The following TCF7L2 variants were observed in gnomAD, a reference collection of about 807,000 sequenced individuals.
The protein encoded by TCF7L2 is transcription factor 7-like 2.
A neutral mutation model predicts 77.9 loss-of-function variants in TCF7L2; 23 were observed. The ratio of observed to expected loss-of-function variants is 0.30; its 90% confidence interval spans 0.21 to 0.42. The LOEUF (loss-of-function observed/expected upper bound fraction) is 0.42. Among genes scored for constraint, TCF7L2 ranks in the 10% least tolerant of loss-of-function variants. The pLI, the probability that TCF7L2 is intolerant of heterozygous loss-of-function variation, is 1.00. For missense variants in TCF7L2, 654 were observed against 793.1 expected (o/e 0.82, Z 2.11); for synonymous variants, 413 against 340.2 (o/e 1.21, Z -2.36).
chr10:113,047,192 C>G (rs2134436742), intron 5 of TCF7L2, among the ~76,000 whole-genome samples: 1 of 152,036 alleles, frequency 6.6e-6, no homozygotes, highest in Non-Finnish European at 1.5e-5. Context: ...TGGGATAGAC[C>G]CCAGGACAAA....
intron 4 of TCF7L2, among the ~76,000 whole-genome samples, chr10:113,004,205 G>C (rs2045070743): frequency 6.6e-6 from 1 of 152,154 alleles, no homozygotes; most frequent in Non-Finnish European, 1.5e-5. Flanking sequence ...GTGCTGTTTG[G>C]GGCAGGAAGA....
At chr10:113,160,359 CTTTTT>C (rs2072954219) in intron 12 of TCF7L2, among the ~76,000 whole-genome samples, 1 of 151,916 alleles carries the variant, frequency 6.6e-6, no homozygotes, top group Admixed American at 6.6e-5. Flanking sequence ...TTCTCTCTCT[CTTTTT>C]ATTTATTTAT....
Position 113,105,750 on chromosome 10 carries a change from G to A in TCF7L2, c.553-35434G>A, listed in dbSNP as rs374541277. ...CATCCCGTCCAGGTTCCAGGCAGAC[G>A]ACAGTCTCTGAGCATTCCAGGGTCT... is the stretch of plus-strand genomic sequence containing the variant. On this transcript the variant is annotated intron_variant, in intron 5 of 13. Coordinates refer to ENST00000627217, the MANE Select transcript of TCF7L2 (RefSeq NM_001146274.2). Among the ~76,000 whole-genome samples the A allele has an allele frequency of 2.4e-4, 36 of 152,286 alleles. No individual in the cohort carries two copies. In the South Asian group the frequency reaches 6.0e-3, roughly 25 times the overall value.
intron 5 of TCF7L2, among the ~76,000 whole-genome samples, chr10:113,137,654 C>G (rs2067625395): frequency 6.6e-6 from 1 of 152,226 alleles, no homozygotes; most frequent in South Asian, 2.1e-4. Context: ...GACCACTAAG[C>G]TCTGTTCTGT....
chr10:113,129,242 ATTTGT>A (rs1339614067), intron 5 of TCF7L2: 1 of 916,798 alleles, frequency 1.1e-6, no homozygotes, highest in African/African-American at 1.8e-5. Context: ...TCCCTAAGAA[ATTTGT>A]TTTGAGGGAT....
At chr10:113,034,790 G>T (rs1159073802) in intron 4 of TCF7L2, among the ~76,000 whole-genome samples, 1 of 152,134 alleles carries the variant, frequency 6.6e-6, no homozygotes, top group Non-Finnish European at 1.5e-5. Flanking sequence ...CAGCTACTCG[G>T]GAGGCTGAGG....
intron 3 of TCF7L2, among the ~76,000 whole-genome samples, chr10:112,952,910 C>A (rs931839056): frequency 2.0e-5 from 3 of 149,826 alleles, no homozygotes; most frequent in Admixed American, 6.6e-5. Flanking sequence ...GATTACGAAT[C>A]CCTGGACGCA....
rs372649758 is a variant in TCF7L2, at chr10:112,950,564, C to A, written c.-193C>A. ...TCACGCGTGCAGAAGATCTCCCCCC[C>A]CTTCCCCTCCCCTCCTCCCTCTTTT... is the stretch of plus-strand genomic sequence containing the variant. On this transcript the variant is annotated 5_prime_UTR_variant, in exon 1 of 14. Coordinates refer to ENST00000627217, the MANE Select transcript of TCF7L2 (RefSeq NM_001146274.2). 8.6e-5 allele frequency: 45 copies of A among 520,288 alleles called. 3 individuals are homozygous for A. The highest frequency in any genetic ancestry group is 2.0e-4 in the South Asian group (8 of 40,328). 32.2% of individuals were successfully genotyped at this position (520,288 alleles called of 1,614,324 possible).
rs892836255 is a variant in TCF7L2, at chr10:113,167,054, G to A, written c.*1082G>A. On this transcript the variant is annotated 3_prime_UTR_variant, in exon 14 of 14. Transcript: ENST00000627217. ...TGCGCCCTTAGGACCCGGACTGACC[G>A]TGTACAAAACTTTACGTGCCAAAAT... 3.0e-5 allele frequency: 7 copies of A among 230,804 alleles called. No homozygotes were observed. The highest frequency in any genetic ancestry group is 1.1e-4 in the Admixed American group (2 of 17,690). The allele number at this position is 230,804 out of a possible 1,614,324, so 14.3% of individuals were successfully genotyped here.
intron 5 of TCF7L2, among the ~76,000 whole-genome samples, chr10:113,100,847 A>G (rs890288260): frequency 6.6e-6 from 1 of 152,130 alleles, no homozygotes; most frequent in Non-Finnish European, 1.5e-5. Flanking sequence ...AGGCTGACGC[A>G]GGTGGATCAC....
intron 5 of TCF7L2, among the ~76,000 whole-genome samples, chr10:113,134,032 C>T (rs189924418): frequency 7.2e-5 from 11 of 152,312 alleles, no homozygotes; most frequent in Admixed American, 4.6e-4. Flanking sequence ...AAGTAAAACT[C>T]GAACCCTGTG....
At chr10:113,118,518 G>GTGTGTGTGTGTGTGT (rs2064187204) in intron 5 of TCF7L2, among the ~76,000 whole-genome samples, 1 of 45,482 alleles carries the variant, frequency 2.2e-5, no homozygotes, top group Non-Finnish European at 4.5e-5. Flanking sequence ...GGTCATCTGG[G>GTGTGTGTGTGTGTGT]GGGTGTGTGT....
intron 4 of TCF7L2, among the ~76,000 whole-genome samples, chr10:112,969,698 G>A (rs2037808231): frequency 6.6e-6 from 1 of 152,194 alleles, no homozygotes; most frequent in Admixed American, 6.5e-5. Context: ...TCCGGTGCAG[G>A]CCCCTTCATG....
chr10:112,955,421 A>G (rs2134316394), intron 3 of TCF7L2, among the ~76,000 whole-genome samples: 1 of 152,336 alleles, frequency 6.6e-6, no homozygotes, highest in East Asian at 1.9e-4. Flanking sequence ...ACATTCACCC[A>G]ATAAGTCATA....
chr10:112,998,344 A>G (rs1407951834), intron 4 of TCF7L2, among the ~76,000 whole-genome samples: 7 of 152,104 alleles, frequency 4.6e-5, no homozygotes, highest in Admixed American at 4.6e-4. Flanking sequence ...AACCTTTCCA[A>G]TTTTTTCACA....
chr10:113,084,274 T>C (rs2059599957), intron 5 of TCF7L2, among the ~76,000 whole-genome samples: 1 of 152,198 alleles, frequency 6.6e-6, no homozygotes, highest in Admixed American at 6.5e-5. Flanking sequence ...GGAGAGTCCA[T>C]GGTGCAGCTC....
intron 7 of TCF7L2, among the ~76,000 whole-genome samples, chr10:113,144,995 A>G (rs565060951): frequency 6.6e-6 from 1 of 152,334 alleles, no homozygotes; most frequent in South Asian, 2.1e-4. Flanking sequence ...AAATCCTGGT[A>G]AAACTCAGGT....
chr10:113,129,643 A>T, intron 5 of TCF7L2: 1 of 1,180,322 alleles, frequency 8.5e-7, no homozygotes, highest in Non-Finnish European at 1.1e-6. Flanking sequence ...GACAACTTTG[A>T]GCATTTTGAG....
intron 3 of TCF7L2, among the ~76,000 whole-genome samples, chr10:112,952,368 G>T (rs991929564): frequency 6.6e-6 from 1 of 152,066 alleles, no homozygotes; most frequent in African/African-American, 2.4e-5. Context: ...GCAGGGCCGC[G>T]AGCGCCCTGG....
Sources: allele counts gnomAD v4.1 joint callset (sites outside exome capture counted in the v4.1 genomes callset), GRCh38; gene constraint gnomAD v4.1.1; transcripts MANE v1.5; gene names NCBI Gene and HGNC (gene_info 2026-07-23, HGNC 2026-07-21).